Variants in ICA1 observed in about 807,000 individuals in gnomAD.
ICA1 encodes the protein 69 kDa islet cell autoantigen.
A neutral mutation model predicts 71.0 loss-of-function variants in ICA1; 40 were observed. The observed-to-expected ratio is 0.56, with a 90% confidence interval of 0.44 to 0.73. ICA1 has a LOEUF of 0.73. ICA1 is among the 30% of genes least tolerant of loss of function. The pLI is 0.00. For missense variants in ICA1, 578 were observed against 576.5 expected, an observed-to-expected ratio of 1.00 and a Z score of -0.03; for synonymous variants, 207 against 209.5, an observed-to-expected ratio of 0.99 and a Z score of 0.10.
chr7:8,169,911 T>TGTGTGTGTGTGTGC (rs1215137195), intron 6 of ICA1, among the ~76,000 whole-genome samples: 2 of 151,554 alleles, frequency 1.3e-5, no homozygotes, highest in Non-Finnish European at 2.9e-5. Context: ...AGTGTGTGTG[T>TGTGTGTGTGTGTGC]GTGTGTGTGT....
intron 6 of ICA1, among the ~76,000 whole-genome samples, chr7:8,161,396 G>C (rs1242668764): frequency 6.6e-6 from 1 of 152,182 alleles, no homozygotes; most frequent in African/African-American, 2.4e-5. Context: ...GGGGTTGTAG[G>C]ATGATGGCAT....
At chr7:8,221,865 C>G (rs1006234537) in intron 4 of ICA1, among the ~76,000 whole-genome samples, 2 of 152,212 alleles carry the variant, frequency 1.3e-5, no homozygotes, top group East Asian at 3.9e-4. Context: ...AATACCTCAG[C>G]TGTGACACAG....
At chr7:8,148,255 T>C (rs1421179249) in intron 8 of ICA1, among the ~76,000 whole-genome samples, 1 of 152,176 alleles carries the variant, frequency 6.6e-6, no homozygotes, top group African/African-American at 2.4e-5. Context: ...GCCCACGGTA[T>C]TTGTGATTGT....
At chr7:8,206,760 G>T in intron 6 of ICA1, among the ~76,000 whole-genome samples, 1 of 143,002 alleles carries the variant, frequency 7.0e-6, no homozygotes, top group African/African-American at 2.8e-5. Context: ...AAAAAAGAAA[G>T]AGAACAAGAT....
intron 8 of ICA1, among the ~76,000 whole-genome samples, chr7:8,147,868 G>A (rs931438885): frequency 3.9e-5 from 6 of 152,018 alleles, no homozygotes; most frequent in African/African-American, 7.2e-5. Context: ...TTCCTGGCTC[G>A]GGGCCACTGT....
chr7:8,204,653 C>G (rs970006945), intron 6 of ICA1, among the ~76,000 whole-genome samples: 1 of 152,160 alleles, frequency 6.6e-6, no homozygotes, highest in African/African-American at 2.4e-5. Context: ...GTTTAAATAT[C>G]TGCTGTGCTT....
Position 8,226,467 on chromosome 7 carries a change from A to C in ICA1, c.256+2134T>G, listed in dbSNP as rs1442490356. ...TATCACCTTCTTGCTTGCATGAAGG[A>C]TAGCATACTATAGATACGCTTTTAT... On this transcript the variant is annotated intron_variant, in intron 4 of 13. Transcript: ENST00000402384. This position sits in a 1 kb window ranked among gnomAD's most constrained non-coding sequence, Gnocchi z 4.4. Among the ~76,000 whole-genome samples, 1 of 152,200 alleles carries C rather than the reference A, an allele frequency of 6.6e-6. No homozygotes were observed. Among genetic ancestry groups the C allele is most frequent in the African/African-American group, 2.4e-5 (1 of 41,444 alleles).
chr7:8,253,845 C>T (rs567479738), intron 1 of ICA1, among the ~76,000 whole-genome samples: 2 of 152,048 alleles, frequency 1.3e-5, no homozygotes, highest in South Asian at 2.1e-4. Flanking sequence ...TACATAGAAA[C>T]GTATGAATGG....
chr7:8,221,470 A>G, intron 4 of ICA1, 72 bp from the exon 5 acceptor site: 4 of 1,536,892 alleles, frequency 2.6e-6, no homozygotes, highest in Non-Finnish European at 2.7e-6. Flanking sequence ...AGAAAGACAA[A>G]TCACAAGGTC....
chr7:8,113,814 A>T lies in ICA1; in HGVS notation c.*109T>A. ...GGGCCGTTGACCCTTTCATTTTATT[A>T]AAATGGCACATAATTATTAAAACAG... On this transcript the variant is annotated 3_prime_UTR_variant, in exon 14 of 14. Coordinates refer to ENST00000402384, the MANE Select transcript of ICA1 (RefSeq NM_001136020.3). This position sits in a 1 kb window ranked among gnomAD's most constrained non-coding sequence, Gnocchi z 4.2. The T allele has an allele frequency of 8.3e-7, 1 of 1,200,708 alleles. No homozygotes were observed. Among genetic ancestry groups the T allele is most frequent in the Non-Finnish European group, 1.2e-6 (1 of 824,430 alleles). 74.4% of individuals were successfully genotyped at this position (1,200,708 alleles called of 1,614,324 possible).
At chr7:8,161,194 A>G (rs1399459149) in intron 6 of ICA1, among the ~76,000 whole-genome samples, 1 of 152,250 alleles carries the variant, frequency 6.6e-6, no homozygotes, top group Non-Finnish European at 1.5e-5. Flanking sequence ...AATGAGGTAC[A>G]TAACAGGGAG....
intron 8 of ICA1, among the ~76,000 whole-genome samples, chr7:8,152,254 T>A (rs997238714): frequency 6.6e-6 from 1 of 151,968 alleles, no homozygotes; most frequent in Non-Finnish European, 1.5e-5. Flanking sequence ...GCCTCACCTG[T>A]GAAACTCACA....
chr7:8,253,184 A>G (rs1332426977), intron 1 of ICA1, among the ~76,000 whole-genome samples: 1 of 152,244 alleles, frequency 6.6e-6, no homozygotes, highest in Non-Finnish European at 1.5e-5. Context: ...ATTCTGTACT[A>G]GTTACAAATA....
chr7:8,219,922 C>T (rs1369203605), intron 5 of ICA1, among the ~76,000 whole-genome samples: 2 of 152,160 alleles, frequency 1.3e-5, no homozygotes, highest in Non-Finnish European at 2.9e-5. Context: ...CACATGACAA[C>T]TTACTCTATG....
chr7:8,142,785 G>C (rs1258838719), intron 9 of ICA1, among the ~76,000 whole-genome samples: 1 of 152,184 alleles, frequency 6.6e-6, no homozygotes, highest in Non-Finnish European at 1.5e-5. Flanking sequence ...TAAAATGATA[G>C]CTAGCACTAT....
At chr7:8,146,890 A>G (rs374984009) in intron 8 of ICA1, among the ~76,000 whole-genome samples, 11,362 of 149,660 alleles carry the variant, frequency 0.076, 1,194 homozygotes, top group African/African-American at 0.25. Flanking sequence ...ACGCACACAC[A>G]CACACACACA....
chr7:8,217,453 C>A (rs1021657262), intron 6 of ICA1, among the ~76,000 whole-genome samples: 1 of 152,128 alleles, frequency 6.6e-6, no homozygotes, highest in Non-Finnish European at 1.5e-5. Context: ...AATAAGAAAT[C>A]TAGGGATTTT....
chr7:8,258,142 C>T (rs1330892775), intron 1 of ICA1, among the ~76,000 whole-genome samples: 1 of 152,214 alleles, frequency 6.6e-6, no homozygotes, highest in Non-Finnish European at 1.5e-5. Context: ...GTGTCTCTAT[C>T]TCCTTCTTGC....
intron 8 of ICA1, chr7:8,156,782 T>A (rs760703006): frequency 3.5e-6 from 5 of 1,448,352 alleles, no homozygotes; most frequent in Non-Finnish European, 4.5e-6. Flanking sequence ...TTTAGCAATG[T>A]CAAACAAGTA....
Sources: gnomAD v4.1 joint callset for allele counts (sites outside exome capture counted in the v4.1 genomes callset) on GRCh38, gnomAD v4.1.1 for gene constraint, Gnocchi (gnomAD v3.1) non-coding constraint, MANE v1.5 for transcripts, NCBI Gene and HGNC (gene_info 2026-07-23, HGNC 2026-07-21) for gene names.